The following RXRA variants were observed in gnomAD, a reference collection of about 807,000 sequenced individuals.
The protein encoded by RXRA is retinoid X receptor alpha, also known as retinoic acid receptor RXR-alpha.
A neutral mutation model predicts 44.5 loss-of-function variants in RXRA; 5 were observed. That is an observed-to-expected ratio of 0.11 (90% CI 0.06 to 0.24). The LOEUF (loss-of-function observed/expected upper bound fraction) is 0.24, where lower values mean the gene tolerates loss of function less well. Ranked by LOEUF, RXRA falls within the 10% of genes least tolerant of loss-of-function variation. The pLI is 1.00. For missense variants in RXRA, 412 were observed against 646.5 expected (o/e 0.64, Z 3.93); for synonymous variants, 291 against 271.4 (o/e 1.07, Z -0.71).
In RXRA at chr9:134,426,438, C is replaced by G. The variant is rs1483314555; in HGVS notation, c.911-2670C>G. On this transcript the variant is annotated intron_variant, in intron 6 of 9. Transcript: ENST00000481739. The surrounding 1 kb of genome is among the most constrained non-coding windows in gnomAD (Gnocchi z 4.6). Reference sequence around the variant, plus strand: ...GTGTGGGGCAGGAGAGGAGAAATAACCGAGTGAGGACATCGGGGTGGAGGG... The same window carrying G: ...GTGTGGGGCAGGAGAGGAGAAATAAGCGAGTGAGGACATCGGGGTGGAGGG... 1 of 985,286 alleles carries G rather than the reference C, an allele frequency of 1.0e-6. No individual in the cohort carries two copies. Among genetic ancestry groups the G allele is most frequent in the Non-Finnish European group, 1.2e-6 (1 of 829,914 alleles). The allele number at this position is 985,286 out of a possible 1,614,324, so 61.0% of individuals were successfully genotyped here. A position where few individuals can be genotyped will look rare whatever the true frequency, so the allele number is the denominator to read the frequency against.
Position 134,421,839 on chromosome 9 carries a change from C to T in RXRA, c.910+34C>T, listed in dbSNP as rs754727546. 55 of 1,609,744 alleles carry T rather than the reference C, an allele frequency of 3.4e-5. No individual in the cohort carries two copies. The Middle Eastern group carries it at 9.9e-4, about 29-fold the overall frequency. ...CGAGGCCTAGGTGGGGATGGGGATG[C>T]CATGCAGATGGGACACGTACCAGGA... is the stretch of plus-strand genomic sequence containing the variant. On this transcript the variant is annotated intron_variant, in intron 6 of 9. Coordinates refer to ENST00000481739, the MANE Select transcript of RXRA (RefSeq NM_002957.6).
At chr9:134,350,157 C>T (rs1830204443) in intron 1 of RXRA, among the ~76,000 whole-genome samples, 1 of 152,094 alleles carries the variant, frequency 6.6e-6, no homozygotes, top group Admixed American at 6.5e-5. Context: ...ATTAAACAGC[C>T]TGTCTGGGGC....
intron 1 of RXRA, among the ~76,000 whole-genome samples, chr9:134,357,010 C>T (rs549579533): frequency 6.6e-6 from 1 of 152,356 alleles, no homozygotes; most frequent in East Asian, 1.9e-4. Flanking sequence ...GGCCCCCAGG[C>T]AGAGCCGGGG....
intron 1 of RXRA, among the ~76,000 whole-genome samples, chr9:134,329,446 C>T (rs1834969726): frequency 6.6e-6 from 1 of 152,208 alleles, no homozygotes; most frequent in Non-Finnish European, 1.5e-5. Context: ...AGAAAAATGG[C>T]CCAGTCCGAT....
chr9:134,380,792 G>A (rs761116569), intron 1 of RXRA, among the ~76,000 whole-genome samples: 29 of 152,132 alleles, frequency 1.9e-4, no homozygotes, highest in Non-Finnish European at 2.8e-4. Flanking sequence ...GAGGCCAGAG[G>A]AAAGGCCTCC....
intron 6 of RXRA, among the ~76,000 whole-genome samples, chr9:134,427,539 T>C (rs1588307079): frequency 6.6e-6 from 1 of 152,194 alleles, no homozygotes; most frequent in African/African-American, 2.4e-5. Context: ...CTGGGGCCAG[T>C]TGGGTGCCAT....
chr9:134,332,169 T>C (rs949692181), intron 1 of RXRA, among the ~76,000 whole-genome samples: 5 of 152,108 alleles, frequency 3.3e-5, no homozygotes, highest in African/African-American at 1.2e-4. Flanking sequence ...TGGAAAGCTG[T>C]AGTTGGGTGA....
chr9:134,378,078 C>A (rs1830585320), intron 1 of RXRA, among the ~76,000 whole-genome samples: 1 of 152,240 alleles, frequency 6.6e-6, no homozygotes, highest in Non-Finnish European at 1.5e-5. Flanking sequence ...GAGCAGGTTT[C>A]ACGATGACTG....
chr9:134,425,682 T>G, intron 6 of RXRA: 1 of 985,064 alleles, frequency 1.0e-6, no homozygotes. Context: ...ACCACTTTAC[T>G]CCCCTGGTCT....
intron 4 of RXRA, among the ~76,000 whole-genome samples, chr9:134,416,652 C>T (rs1831240006): frequency 6.6e-6 from 1 of 152,058 alleles, no homozygotes; most frequent in Non-Finnish European, 1.5e-5. Context: ...CCTCCCCCGC[C>T]CCCCGCCGCA....
At chr9:134,381,518 G>T (rs1830646099) in intron 1 of RXRA, among the ~76,000 whole-genome samples, 1 of 152,136 alleles carries the variant, frequency 6.6e-6, no homozygotes, top group Admixed American at 6.5e-5. Context: ...TAAGGGCCAG[G>T]CCCAGGGCTG....
chr9:134,372,055 C>T (rs988375850), intron 1 of RXRA: 2 of 152,148 alleles, frequency 1.3e-5, no homozygotes, highest in Non-Finnish European at 2.9e-5. Context: ...GAGGCCACCT[C>T]GAGGGAGTGA....
rs761124899 is a variant in RXRA at position 134,406,394 on chromosome 9, GAAAAAAA to G, written c.280-1741_280-1735del. 14 of 108,472 alleles carry G rather than the reference GAAAAAAA, an allele frequency of 1.3e-4. No individual in the cohort carries two copies. The East Asian group carries it at 1.6e-3, about 12-fold the overall frequency. The allele number at this position is 108,472 out of a possible 1,614,324, so 6.7% of individuals were successfully genotyped here. On this transcript the variant is annotated intron_variant, in intron 2 of 9. Coordinates refer to ENST00000481739, the MANE Select transcript of RXRA (RefSeq NM_002957.6). ...GGCAACAGAGTGAGACCCTGTTTCG[GAAAAAAA>G]AAAAAAAAAAAAAGAGAAAAGAAGT... is the stretch of plus-strand genomic sequence containing the variant.
intron 1 of RXRA, among the ~76,000 whole-genome samples, chr9:134,347,930 G>A (rs566052650): frequency 1.8e-4 from 27 of 152,212 alleles, no homozygotes; most frequent in Admixed American, 4.6e-4. Context: ...CCTGGCTGCC[G>A]GTGAGGATGG....
intron 2 of RXRA, chr9:134,406,076 G>T (rs1430302405): frequency 6.6e-6 from 1 of 152,258 alleles, no homozygotes; most frequent in South Asian, 2.1e-4. Flanking sequence ...GGCACATGGA[G>T]CGACTCAGTT....
At chr9:134,386,222 G>A (rs1416025180) in intron 1 of RXRA, among the ~76,000 whole-genome samples, 2 of 152,258 alleles carry the variant, frequency 1.3e-5, no homozygotes, top group East Asian at 1.9e-4. Context: ...CTCAGCCGCC[G>A]CGCTGCATCA....
intron 6 of RXRA, chr9:134,423,812 G>A (rs1588304953): frequency 1.0e-6 from 1 of 985,490 alleles, no homozygotes; most frequent in Non-Finnish European, 1.2e-6. Flanking sequence ...CTGCAGGCCT[G>A]CCTGACCCCA....
intron 1 of RXRA, among the ~76,000 whole-genome samples, chr9:134,397,560 C>T (rs1051452383): frequency 2.6e-5 from 4 of 152,282 alleles, no homozygotes; most frequent in Non-Finnish European, 2.9e-5. Flanking sequence ...CTGTGAGAGG[C>T]GCCTTGGGGC....
At chr9:134,423,451 C>G (rs1831381739) in intron 6 of RXRA, 1 of 985,476 alleles carries the variant, frequency 1.0e-6, no homozygotes, top group Non-Finnish European at 1.2e-6. Flanking sequence ...AGACGGGCTC[C>G]CTGTGAAGCA....
Sources: allele counts gnomAD v4.1 joint callset (sites outside exome capture counted in the v4.1 genomes callset), GRCh38; gene constraint gnomAD v4.1.1; non-coding constraint Gnocchi (gnomAD v3.1); transcripts MANE v1.5; gene names NCBI Gene and HGNC (gene_info 2026-07-23, HGNC 2026-07-21).